The following RPS6KA2 variants were observed in gnomAD, a reference collection of about 807,000 sequenced individuals.
RPS6KA2 encodes the protein ribosomal protein S6 kinase A2.
A neutral mutation model predicts 91.8 loss-of-function variants in RPS6KA2; 42 were observed. The observed-to-expected ratio is 0.46, with a 90% confidence interval of 0.36 to 0.59. The LOEUF is 0.59. Among genes scored for constraint, RPS6KA2 ranks in the 20% least tolerant of loss-of-function variants. The pLI is 0.00. For missense variants in RPS6KA2, 798 were observed against 978.5 expected, an observed-to-expected ratio of 0.82 and a Z score of 2.46; for synonymous variants, 414 against 393.6, an observed-to-expected ratio of 1.05 and a Z score of -0.61.
rs1349312940 is a variant in RPS6KA2 at position 166,626,904 on chromosome 6, G to A, written c.99+17C>T. ...TCAGTGCCCGGCACCTGCGCGCCCC[G>A]AGGGCGGCCGCATTACCTCGAGCCG... On this transcript the variant is annotated intron_variant, in intron 1 of 20. Transcript: ENST00000265678. This position sits in a 1 kb window ranked among gnomAD's most constrained non-coding sequence, Gnocchi z 4.1. The A allele has an allele frequency of 7.4e-6, 11 of 1,490,288 alleles. No individual in the cohort carries two copies. The East Asian group carries it at 1.9e-4, about 26-fold the overall frequency. The allele number at this position is 1,490,288 out of a possible 1,614,324, so 92.3% of individuals were successfully genotyped here.
At chr6:166,569,011 T>A (rs965661680) in intron 1 of RPS6KA2, among the ~76,000 whole-genome samples, 2 of 152,222 alleles carry the variant, frequency 1.3e-5, no homozygotes, top group Non-Finnish European at 2.9e-5. Flanking sequence ...AAATTAAGCT[T>A]ACATTAATAA....
chr6:166,505,620 AG>A (rs995293186), intron 5 of RPS6KA2, among the ~76,000 whole-genome samples: 34 of 152,220 alleles, frequency 2.2e-4, no homozygotes, highest in Admixed American at 3.9e-4. Flanking sequence ...AAGGGCAGCC[AG>A]GGGACCTGAA....
chr6:166,847,699 C>A (rs1780641277), intron 2 of RPS6KA2, among the ~76,000 whole-genome samples: 1 of 152,088 alleles, frequency 6.6e-6, no homozygotes, highest in South Asian at 2.1e-4. Context: ...GGATAACTGC[C>A]TACCCACATG....
intron 1 of RPS6KA2, among the ~76,000 whole-genome samples, chr6:166,590,951 G>A (rs1481435847): frequency 6.6e-6 from 1 of 152,168 alleles, no homozygotes; most frequent in East Asian, 1.9e-4. Context: ...GGATCTGCCT[G>A]CCATGTCACA....
At chr6:166,664,234 C>T (rs180680408) in intron 2 of RPS6KA2, among the ~76,000 whole-genome samples, 84 of 151,518 alleles carry the variant, frequency 5.5e-4, no homozygotes, top group African/African-American at 1.9e-3. Flanking sequence ...TCCATTGGTC[C>T]CACTCTAAGT....
chr6:166,746,332 C>A (rs958127661), intron 2 of RPS6KA2, among the ~76,000 whole-genome samples: 3 of 152,230 alleles, frequency 2.0e-5, no homozygotes, highest in Admixed American at 2.0e-4. Context: ...GATAAGGACA[C>A]AGGAAAACTC....
chr6:166,593,424 C>G (rs1442208517), intron 1 of RPS6KA2, among the ~76,000 whole-genome samples: 1 of 152,220 alleles, frequency 6.6e-6, no homozygotes, highest in Non-Finnish European at 1.5e-5. Flanking sequence ...TGCTGGCTCA[C>G]ACTACAGTCA....
intron 2 of RPS6KA2, among the ~76,000 whole-genome samples, chr6:166,681,755 C>T (rs1788823472): frequency 7.4e-6 from 1 of 135,774 alleles, no homozygotes; most frequent in Admixed American, 7.7e-5. Context: ...ATGAAAAGTC[C>T]TGTCTTGACC....
chr6:166,603,121 C>T lies in RPS6KA2; in HGVS notation c.99+23800G>A, dbSNP rs111730450. Among the ~76,000 whole-genome samples the T allele has an allele frequency of 4.5e-3, 688 of 152,352 alleles. 5 individuals carry two copies. The highest frequency in any genetic ancestry group is 0.015 in the African/African-American group (642 of 41,578). On this transcript the variant is annotated intron_variant, in intron 1 of 20. Coordinates refer to ENST00000265678, the MANE Select transcript of RPS6KA2 (RefSeq NM_021135.6). This position sits in a 1 kb window ranked among gnomAD's most constrained non-coding sequence, Gnocchi z 4.3. The stretch of plus-strand genomic sequence containing the variant: ...ATCTGCATCTGTTAAGTGTTAAGTT[C>T]TGACATGAGCTTAGTCTAAAAGGGA...
intron 2 of RPS6KA2, among the ~76,000 whole-genome samples, chr6:166,752,870 C>A (rs1777889223): frequency 6.6e-6 from 1 of 152,098 alleles, no homozygotes; most frequent in East Asian, 1.9e-4. Context: ...GGCCCACTCC[C>A]TAACCACTGT....
At chr6:166,780,403 G>C (rs1240963968) in intron 2 of RPS6KA2, among the ~76,000 whole-genome samples, 1 of 152,228 alleles carries the variant, frequency 6.6e-6, no homozygotes, top group African/African-American at 2.4e-5. Flanking sequence ...CATGAAGCCA[G>C]AGAGAGGCCC....
intron 2 of RPS6KA2, among the ~76,000 whole-genome samples, chr6:166,741,255 C>T (rs1333917383): frequency 2.6e-5 from 4 of 152,120 alleles, no homozygotes; most frequent in Non-Finnish European, 4.4e-5. Context: ...GGTTTGCACA[C>T]GGAATTCAAG....
At chr6:166,701,914 G>A in intron 2 of RPS6KA2, 1 of 1,120,152 alleles carries the variant, frequency 8.9e-7, no homozygotes, top group Non-Finnish European at 1.4e-6. Context: ...TAGTGTCTGT[G>A]TCTTGCTCAA....
chr6:166,711,486 G>C (rs992291712), intron 2 of RPS6KA2, among the ~76,000 whole-genome samples: 5 of 150,466 alleles, frequency 3.3e-5, no homozygotes, highest in African/African-American at 1.2e-4. Context: ...TGATAAAAAT[G>C]CTTCAACAAG....
At chr6:166,466,710 A>T (rs1780536234) in intron 11 of RPS6KA2, among the ~76,000 whole-genome samples, 1 of 152,220 alleles carries the variant, frequency 6.6e-6, no homozygotes, top group Non-Finnish European at 1.5e-5. Context: ...AGTCTCACTC[A>T]TTCATTCACT....
At chr6:166,855,930 A>T (rs1201801189) in intron 2 of RPS6KA2, among the ~76,000 whole-genome samples, 3 of 152,230 alleles carry the variant, frequency 2.0e-5, no homozygotes, top group African/African-American at 7.2e-5. Flanking sequence ...GCATCAGGAA[A>T]CAGTAATAAT....
chr6:166,645,634 C>G (rs891530398), intron 2 of RPS6KA2, among the ~76,000 whole-genome samples: 3 of 152,244 alleles, frequency 2.0e-5, no homozygotes, highest in African/African-American at 4.8e-5. Context: ...AATGTGCCCC[C>G]CCTTCTCTGG....
intron 8 of RPS6KA2, among the ~76,000 whole-genome samples, chr6:166,496,420 A>C (rs1781789878): frequency 6.6e-6 from 1 of 152,082 alleles, no homozygotes; most frequent in Non-Finnish European, 1.5e-5. Context: ...TTATATTATG[A>C]GATAGGTTTT....
At chr6:166,597,259 C>T (rs1692602119) in intron 1 of RPS6KA2, among the ~76,000 whole-genome samples, 2 of 152,202 alleles carry the variant, frequency 1.3e-5, no homozygotes, top group African/African-American at 4.8e-5. Flanking sequence ...GCGAGGCACC[C>T]CGTGAGGCCC....
Sources: allele counts gnomAD v4.1 joint callset (sites outside exome capture counted in the v4.1 genomes callset), GRCh38; gene constraint gnomAD v4.1.1; non-coding constraint Gnocchi (gnomAD v3.1); transcripts MANE v1.5; gene names NCBI Gene and HGNC (gene_info 2026-07-23, HGNC 2026-07-21).